DAB1: variants seen among roughly 807,000 people sequenced by gnomAD.
The protein encoded by DAB1 is disabled homolog 1.
DAB1 carries 15 observed loss-of-function variants against 64.6 expected under a neutral mutation model. The observed-to-expected ratio is 0.23, with a 90% CI of 0.16 to 0.36. DAB1 has a LOEUF of 0.36. DAB1 is among the 10% of genes least tolerant of loss of function. The pLI, the probability that DAB1 is intolerant of heterozygous loss-of-function variation, is 1.00. For missense variants in DAB1, 596 were observed against 706.7 expected (o/e 0.84, Z 1.78); for synonymous variants, 235 against 251.9 (o/e 0.93, Z 0.64).
At chr1:57,892,141 T>C (rs1443435205) in intron 5 of DAB1, among the ~76,000 whole-genome samples, 1 of 152,174 alleles carries the variant, frequency 6.6e-6, no homozygotes, top group East Asian at 1.9e-4. Context: ...TATAGCACTA[T>C]AGTAGACATC....
intron 4 of DAB1, among the ~76,000 whole-genome samples, chr1:58,155,503 G>C (rs1655175090): frequency 6.6e-6 from 1 of 152,160 alleles, no homozygotes; most frequent in African/African-American, 2.4e-5. Flanking sequence ...AGCAAGTCCT[G>C]CCTGGCCCCA....
chr1:58,499,447 T>C lies in DAB1; in HGVS notation n.257+6613A>G, dbSNP rs1645862388. Among the ~76,000 whole-genome samples, 4 of 141,702 alleles carry C rather than the reference T, an allele frequency of 2.8e-5. No homozygotes were observed. In the South Asian group the frequency reaches 9.0e-4, roughly 32 times the overall value. The allele number at this position is 141,702 out of a possible 152,430, so 93.0% of individuals were successfully genotyped here. On this transcript the variant is annotated intron_variant and non_coding_transcript_variant, in intron 3 of 20. Coordinates refer to the DAB1 transcript ENST00000485760. ...CTGCAGTGAACTATGATTCCACCACTGCACTCCAGCCTAGGGAACAAAGCC... is the reference window on the plus strand; with the variant it reads ...CTGCAGTGAACTATGATTCCACCACCGCACTCCAGCCTAGGGAACAAAGCC...
At chr1:57,551,933 T>A (rs1376759040) in intron 7 of DAB1, among the ~76,000 whole-genome samples, 3 of 152,200 alleles carry the variant, frequency 2.0e-5, no homozygotes, top group Non-Finnish European at 4.4e-5. Context: ...ATGCAATGAA[T>A]GACTTCCCCT....
chr1:57,674,395 T>C (rs1045561612), intron 6 of DAB1, among the ~76,000 whole-genome samples: 2 of 152,176 alleles, frequency 1.3e-5, no homozygotes, highest in Non-Finnish European at 2.9e-5. Flanking sequence ...ACTGGAAGAC[T>C]CTTTTTCCCC....
At chr1:57,629,605 G>C (rs958073357) in intron 7 of DAB1, among the ~76,000 whole-genome samples, 1 of 152,142 alleles carries the variant, frequency 6.6e-6, no homozygotes, top group African/African-American at 2.4e-5. Flanking sequence ...ATGGGATAAT[G>C]TGAACTAATT....
chr1:57,439,428 T>TTTTTTTTTTTTTG (rs1685837195), intron 7 of DAB1, among the ~76,000 whole-genome samples: 2 of 119,814 alleles, frequency 1.7e-5, no homozygotes, highest in Non-Finnish European at 3.5e-5. Context: ...GTTTTTTCTT[T>TTTTTTTTTTTTTG]TTTTTTTTTT....
intron 7 of DAB1, among the ~76,000 whole-genome samples, chr1:57,575,469 C>T (rs897988482): frequency 1.3e-5 from 2 of 152,042 alleles, no homozygotes; most frequent in African/African-American, 4.8e-5. Flanking sequence ...GGTCCCACAT[C>T]GAAAAGTTGA....
At chr1:58,340,060 C>T (rs1416547486) in intron 4 of DAB1, among the ~76,000 whole-genome samples, 1 of 152,150 alleles carries the variant, frequency 6.6e-6, no homozygotes, top group Non-Finnish European at 1.5e-5. Context: ...TTTACTAACT[C>T]TGCAGTAAAA....
chr1:57,678,695 C>T (rs1646598052), intron 6 of DAB1, among the ~76,000 whole-genome samples: 2 of 151,154 alleles, frequency 1.3e-5, no homozygotes, highest in Admixed American at 1.3e-4. Context: ...ATTAGCCTTA[C>T]AATGCCAAGC....
chr1:57,874,109 T>C (rs530209423), intron 1 of DAB1: 10 of 152,240 alleles, frequency 6.6e-5, no homozygotes, highest in Non-Finnish European at 1.2e-4. Flanking sequence ...CAGATGGGAC[T>C]GCTGTATGAT....
chr1:58,002,120 C>CA (rs535239181), intron 5 of DAB1, among the ~76,000 whole-genome samples: 8 of 152,016 alleles, frequency 5.3e-5, no homozygotes, highest in African/African-American at 1.7e-4. Flanking sequence ...ACCAGAATTG[C>CA]AAAAAAATAA....
chr1:58,114,459 C>G (rs1434470813), intron 5 of DAB1, among the ~76,000 whole-genome samples: 1 of 152,184 alleles, frequency 6.6e-6, no homozygotes, highest in Non-Finnish European at 1.5e-5. Context: ...ATAACCAACC[C>G]TGCATTCCAG....
intron 2 of DAB1, among the ~76,000 whole-genome samples, chr1:57,224,621 G>A (rs1314400749): frequency 1.3e-5 from 2 of 152,202 alleles, no homozygotes; most frequent in Non-Finnish European, 2.9e-5. Context: ...CTTTGGGGAA[G>A]GTCTGGAGCT....
intron 2 of DAB1, among the ~76,000 whole-genome samples, chr1:57,238,889 ACACACC>A (rs1309324550): frequency 1.8e-4 from 27 of 151,584 alleles, no homozygotes; most frequent in African/African-American, 6.3e-4. Flanking sequence ...ACACACACAC[ACACACC>A]CCTAACTTGA....
intron 9 of DAB1, among the ~76,000 whole-genome samples, chr1:57,027,825 C>T (rs1400434204): frequency 6.6e-6 from 1 of 152,170 alleles, no homozygotes; most frequent in Non-Finnish European, 1.5e-5. Context: ...GTGCCTGGCA[C>T]ACAGTAGGGC....
chr1:57,923,983 G>A (rs1437545084), intron 5 of DAB1, among the ~76,000 whole-genome samples: 1 of 152,196 alleles, frequency 6.6e-6, no homozygotes, highest in Non-Finnish European at 1.5e-5. Flanking sequence ...TAAAGCCATT[G>A]GACTAGCAAG....
intron 4 of DAB1, among the ~76,000 whole-genome samples, chr1:58,324,027 T>G (rs1662763507): frequency 6.6e-6 from 1 of 152,160 alleles, no homozygotes; most frequent in Non-Finnish European, 1.5e-5. Context: ...AAAATTTTCT[T>G]ATGTCTCACT....
At chr1:58,499,466 C>T (rs1472772150) in intron 3 of DAB1, among the ~76,000 whole-genome samples, 2 of 82,796 alleles carry the variant, frequency 2.4e-5, no homozygotes, top group African/African-American at 4.7e-5. Flanking sequence ...GCCTAGGGAA[C>T]AAAGCCAGAC....
At chr1:58,439,508 TCTTTATTA>T (rs1177875884) in intron 3 of DAB1, among the ~76,000 whole-genome samples, 1 of 152,208 alleles carries the variant, frequency 6.6e-6, no homozygotes, top group African/African-American at 2.4e-5. Flanking sequence ...CTTAGTCCAC[TCTTTATTA>T]CTTTAAGTGT....
Sources: gnomAD v4.1 joint callset for allele counts (sites outside exome capture counted in the v4.1 genomes callset) on GRCh38, gnomAD v4.1.1 for gene constraint, MANE v1.5 for transcripts, NCBI Gene and HGNC (gene_info 2026-07-23, HGNC 2026-07-21) for gene names.